The following MME variants were observed in gnomAD, a reference collection of about 807,000 sequenced individuals.
MME encodes the protein neprilysin.
In MME, 98 loss-of-function variants were observed where a neutral mutation model predicts 113.2. The ratio of observed to expected loss-of-function variants is 0.87; its 90% confidence interval spans 0.74 to 1.02. The LOEUF (loss-of-function observed/expected upper bound fraction) is 1.02, where lower values mean the gene tolerates loss of function less well. Among genes scored for constraint, MME ranks in the 50% least tolerant of loss-of-function variants. The probability of loss-of-function intolerance (pLI) is 0.00; values close to 1 mark genes in which losing one functional copy is unlikely to be tolerated. For missense variants in MME, 836 were observed against 896.0 expected (o/e 0.93, Z 0.86); for synonymous variants, 292 against 300.6 (o/e 0.97, Z 0.30).
At chr3:155,140,043 T>C in intron 9 of MME, 148 bp from the exon 10 acceptor site, 1 of 498,504 alleles carries the variant, frequency 2.0e-6, no homozygotes, top group East Asian at 3.6e-5. Flanking sequence ...TTTCACTTTT[T>C]TTGAAATGAC....
intron 18 of MME, among the ~76,000 whole-genome samples, chr3:155,167,497 G>A (rs187390370): frequency 1.3e-5 from 2 of 151,688 alleles, no homozygotes; most frequent in East Asian, 1.9e-4. Context: ...CAAACAGTTA[G>A]GCACTTAAAT....
intron 1 of MME, among the ~76,000 whole-genome samples, chr3:155,069,182 T>A (rs574922353): frequency 6.6e-6 from 1 of 152,146 alleles, no homozygotes; most frequent in Non-Finnish European, 1.5e-5. Flanking sequence ...AATAATGATA[T>A]GGATAAAAAC....
chr3:155,093,522 AG>A (rs1716469879), intron 3 of MME, among the ~76,000 whole-genome samples: 1 of 152,172 alleles, frequency 6.6e-6, no homozygotes, highest in Non-Finnish European at 1.5e-5. Context: ...TTTTTCACAC[AG>A]GTGCTGCGAG....
chr3:155,053,574 T>A (rs1713830240), intron 1 of MME, among the ~76,000 whole-genome samples: 1 of 152,118 alleles, frequency 6.6e-6, no homozygotes, highest in Admixed American at 6.5e-5. Context: ...CTCCCATGAC[T>A]TGTGGGGATT....
Position 155,056,091 on chromosome 3 carries a change from AGG to A in MME, c.-10-28065_-10-28064del, listed in dbSNP as rs1430749357. ...AACTACAAATTGTTGGTTCATAGAA[AGG>A]GAAATTGAATTCTACCTGCAGCACT... On this transcript the variant is annotated intron_variant, in intron 1 of 22. Coordinates refer to the MME transcript ENST00000492661. 3.1e-4 allele frequency among the ~76,000 whole-genome samples: 47 copies of A among 152,226 alleles called. No individual in the cohort carries two copies. The East Asian group carries it at 3.9e-3, about 13-fold the overall frequency.
chr3:155,147,422 T>C (rs1721603952), intron 15 of MME, among the ~76,000 whole-genome samples, 198 bp downstream of exon 15: 1 of 152,194 alleles, frequency 6.6e-6, no homozygotes, highest in Non-Finnish European at 1.5e-5. Context: ...TATTTGGTTA[T>C]TGTTCATTTG....
intron 1 of MME, 91 bp from the exon 2 acceptor site, chr3:155,084,067 G>A: frequency 8.6e-7 from 1 of 1,157,864 alleles, no homozygotes; most frequent in Non-Finnish European, 1.3e-6. Context: ...AAATAACTGA[G>A]CCTTTTACTT....
At chr3:155,060,511 T>G (rs1278723980) in intron 1 of MME, among the ~76,000 whole-genome samples, 1 of 152,120 alleles carries the variant, frequency 6.6e-6, no homozygotes, top group African/African-American at 2.4e-5. Flanking sequence ...TCCCTGTAAG[T>G]AGGTGCTTAC....
intron 8 of MME, among the ~76,000 whole-genome samples, chr3:155,124,406 T>G (rs1310958051): frequency 4.0e-5 from 6 of 151,786 alleles, no homozygotes; most frequent in African/African-American, 1.4e-4. Flanking sequence ...TCTGAAGCCT[T>G]CTTCTCTCAG....
At chr3:155,029,005 G>A (rs964226560) in intron 1 of MME, among the ~76,000 whole-genome samples, 6 of 152,188 alleles carry the variant, frequency 3.9e-5, no homozygotes, top group South Asian at 2.1e-4. Context: ...TCATGTAAAG[G>A]TTTCACAAAA....
chr3:155,175,278 T>C (rs553538091), intron 22 of MME, among the ~76,000 whole-genome samples: 7 of 152,072 alleles, frequency 4.6e-5, no homozygotes, highest in Non-Finnish European at 8.8e-5. Flanking sequence ...TTTCTGTGTG[T>C]TTGTTTCTTT....
At chr3:155,109,216 G>T (rs1411903452) in intron 3 of MME, among the ~76,000 whole-genome samples, 1 of 152,066 alleles carries the variant, frequency 6.6e-6, no homozygotes, top group African/African-American at 2.4e-5. Context: ...GGCCATGGGG[G>T]GTGAAATTCA....
chr3:155,086,861 G>C (rs1715777618), intron 3 of MME, among the ~76,000 whole-genome samples: 1 of 152,138 alleles, frequency 6.6e-6, no homozygotes, highest in South Asian at 2.1e-4. Flanking sequence ...CTGGAGTGCA[G>C]TATTGTGATC....
intron 1 of MME, among the ~76,000 whole-genome samples, chr3:155,035,838 CAG>C (rs1713110165): frequency 6.6e-6 from 1 of 152,150 alleles, no homozygotes; most frequent in Non-Finnish European, 1.5e-5. Flanking sequence ...TATTTTGAAA[CAG>C]AAAGTTGCCA....
intron 1 of MME, among the ~76,000 whole-genome samples, chr3:155,043,500 T>G (rs562083092): frequency 6.6e-6 from 1 of 151,984 alleles, no homozygotes; most frequent in Non-Finnish European, 1.5e-5. Flanking sequence ...GCCCGGCCAA[T>G]TATGTATTTT....
chr3:155,029,311 C>A (rs946769610), intron 1 of MME, among the ~76,000 whole-genome samples: 1 of 151,992 alleles, frequency 6.6e-6, no homozygotes, highest in Admixed American at 6.6e-5. Flanking sequence ...TTTCATAAAC[C>A]TTTTATAACT....
intron 1 of MME, among the ~76,000 whole-genome samples, chr3:155,074,564 T>C (rs1277082038): frequency 6.6e-6 from 1 of 152,004 alleles, no homozygotes; most frequent in Non-Finnish European, 1.5e-5. Flanking sequence ...CCTGAGTAGC[T>C]GGGATTACAA....
intron 17 of MME, among the ~76,000 whole-genome samples, chr3:155,161,065 T>C (rs1722687985): frequency 6.6e-6 from 1 of 152,146 alleles, no homozygotes; most frequent in African/African-American, 2.4e-5. Flanking sequence ...TATATATACA[T>C]TAACACATGA....
chr3:155,081,492 C>A (rs1715140302), intron 1 of MME: 1 of 152,218 alleles, frequency 6.6e-6, no homozygotes, highest in African/African-American at 2.4e-5. Context: ...TCGTCTGTGG[C>A]AGTGTCCACT....
Sources: gnomAD v4.1 joint callset for allele counts (sites outside exome capture counted in the v4.1 genomes callset) on GRCh38, gnomAD v4.1.1 for gene constraint, MANE v1.5 for transcripts, NCBI Gene and HGNC (gene_info 2026-07-23, HGNC 2026-07-21) for gene names.